PRKN: variants seen among roughly 807,000 people sequenced by gnomAD.
The protein encoded by PRKN is E3 ubiquitin-protein ligase parkin.
PRKN carries 56 observed loss-of-function variants against 59.5 expected under a neutral mutation model. The observed-to-expected ratio is 0.94, with a 90% CI of 0.76 to 1.18. The LOEUF (loss-of-function observed/expected upper bound fraction) is 1.18. Among genes scored for constraint, PRKN ranks in the 50% most tolerant of loss-of-function variants. PRKN has a pLI of 0.00. For synonymous variants in PRKN, 250 were observed against 222.1 expected (o/e 1.13, Z -1.12); for missense variants, 657 against 596.4 (o/e 1.10, Z -1.06).
intron 4 of PRKN, among the ~76,000 whole-genome samples, chr6:162,059,160 T>A (rs537310785): frequency 2.8e-4 from 43 of 152,118 alleles, no homozygotes; most frequent in Non-Finnish European, 4.6e-4. Context: ...ATGGAACAAT[T>A]CCCGTAATTG....
intron 9 of PRKN, among the ~76,000 whole-genome samples, chr6:161,514,335 G>C (rs991820538): frequency 6.6e-6 from 1 of 152,116 alleles, no homozygotes; most frequent in Non-Finnish European, 1.5e-5. Context: ...ATGATCTTGA[G>C]AAACAAACCG....
chr6:162,254,512 G>C (rs1779567669), intron 3 of PRKN, among the ~76,000 whole-genome samples: 1 of 151,740 alleles, frequency 6.6e-6, no homozygotes, highest in South Asian at 2.1e-4. Flanking sequence ...TCAGTTCCCA[G>C]TGTGTTGTTT....
intron 2 of PRKN, among the ~76,000 whole-genome samples, chr6:162,280,829 C>T (rs550680941): frequency 1.6e-4 from 22 of 134,582 alleles, no homozygotes; most frequent in African/African-American, 5.9e-4. Flanking sequence ...GGCTAGAAGA[C>T]GACAAGAACT....
At chr6:161,756,281 C>T (rs1206182365) in intron 7 of PRKN, among the ~76,000 whole-genome samples, 3 of 151,608 alleles carry the variant, frequency 2.0e-5, no homozygotes, top group Non-Finnish European at 4.4e-5. Context: ...GTCTCTGCTA[C>T]GAGTACAAAA....
chr6:162,380,466 TA>T (rs1428029117), intron 2 of PRKN, among the ~76,000 whole-genome samples: 3 of 57,336 alleles, frequency 5.2e-5, no homozygotes, highest in Non-Finnish European at 5.7e-5. Flanking sequence ...CACACATATA[TA>T]TGTGTGTATA....
chr6:161,439,951 GTTTTTTGT>G (rs1234113010), intron 9 of PRKN, among the ~76,000 whole-genome samples: 2 of 115,610 alleles, frequency 1.7e-5, no homozygotes, highest in African/African-American at 6.5e-5. Flanking sequence ...GTTTTGTTTT[GTTTTTTGT>G]TTTTTTTTTT....
chr6:161,777,049 C>A (rs114620880), intron 7 of PRKN, among the ~76,000 whole-genome samples: 5,919 of 152,152 alleles, frequency 0.039, 382 homozygotes, highest in African/African-American at 0.13. Context: ...GGCGCTAGAG[C>A]CATAACTCTC....
intron 1 of PRKN, among the ~76,000 whole-genome samples, chr6:162,640,774 G>C (rs935992859): frequency 6.6e-6 from 1 of 152,146 alleles, no homozygotes; most frequent in South Asian, 2.1e-4. Flanking sequence ...ACAATTCCCT[G>C]AAGGGGCAAT....
chr6:161,797,041 A>G (rs1363952304), intron 6 of PRKN, among the ~76,000 whole-genome samples: 1 of 152,216 alleles, frequency 6.6e-6, no homozygotes, highest in Non-Finnish European at 1.5e-5. Context: ...AGGAAGAATT[A>G]ATGTGCTAAG....
intron 1 of PRKN, among the ~76,000 whole-genome samples, chr6:162,615,183 C>T (rs1373239861): frequency 2.0e-5 from 3 of 152,106 alleles, no homozygotes; most frequent in African/African-American, 7.2e-5. Context: ...AAAAAATTTC[C>T]CACCAACATG....
chr6:161,911,383 T>TA (rs962857804), intron 6 of PRKN, among the ~76,000 whole-genome samples: 8 of 152,190 alleles, frequency 5.3e-5, no homozygotes, highest in African/African-American at 1.9e-4. Flanking sequence ...GTCACACTTT[T>TA]ACTGTTTTCA....
In PRKN at chr6:162,501,803, G is replaced by C. The variant is rs557861348; in HGVS notation, c.8-58330C>G. On this transcript the variant is annotated intron_variant, in intron 1 of 11. Coordinates refer to ENST00000366898, the MANE Select transcript of PRKN (RefSeq NM_004562.3). ...TTGCTGGGGCACTAGTTGCCTTGCC[G>C]GAGTGGCACCCTTGAAGATAAGAAA... is the stretch of plus-strand genomic sequence containing the variant. Among the ~76,000 whole-genome samples, 3 of 152,196 alleles carry C rather than the reference G, an allele frequency of 2.0e-5. No homozygotes were observed. In the East Asian group the frequency reaches 5.8e-4, roughly 29 times the overall value.
intron 5 of PRKN, among the ~76,000 whole-genome samples, chr6:162,028,794 A>C (rs756407668): frequency 6.6e-5 from 10 of 152,144 alleles, no homozygotes; most frequent in Non-Finnish European, 1.0e-4. Flanking sequence ...TAGCAAAGCC[A>C]AGAGGGTGGC....
chr6:161,481,407 AT>A (rs1185147305), intron 9 of PRKN, among the ~76,000 whole-genome samples: 2 of 152,108 alleles, frequency 1.3e-5, no homozygotes. Context: ...GATTGAGACC[AT>A]CCTGGCCAAC....
At chr6:162,345,091 G>A (rs1285051451) in intron 2 of PRKN, among the ~76,000 whole-genome samples, 2 of 152,126 alleles carry the variant, frequency 1.3e-5, no homozygotes, top group Non-Finnish European at 2.9e-5. Context: ...TCATCCCCAG[G>A]CCCCAGGGCC....
At chr6:161,532,406 G>A (rs537738) in intron 9 of PRKN, among the ~76,000 whole-genome samples, 59,938 of 151,756 alleles carry the variant, frequency 0.39, 12,960 homozygotes, top group East Asian at 0.63. Context: ...GTGTGTATGA[G>A]TGTGGGTGTA....
At chr6:162,421,050 C>A (rs999251627) in intron 2 of PRKN, among the ~76,000 whole-genome samples, 24 of 152,172 alleles carry the variant, frequency 1.6e-4, no homozygotes, top group Non-Finnish European at 3.4e-4. Flanking sequence ...CACAGGCTTG[C>A]CAGCCACAGC....
chr6:161,411,757 C>G (rs1236983538), intron 9 of PRKN, among the ~76,000 whole-genome samples: 8 of 144,100 alleles, frequency 5.6e-5, no homozygotes, highest in Admixed American at 4.1e-4. Context: ...CCTCCATTCA[C>G]TCATTCCTTC....
intron 7 of PRKN, among the ~76,000 whole-genome samples, chr6:161,731,554 C>T (rs570165359): frequency 7.2e-5 from 11 of 152,076 alleles, no homozygotes; most frequent in African/African-American, 1.9e-4. Context: ...TTGTGTACAC[C>T]GTGTATGCAT....
Sources: gnomAD v4.1 joint callset for allele counts (sites outside exome capture counted in the v4.1 genomes callset) on GRCh38, gnomAD v4.1.1 for gene constraint, MANE v1.5 for transcripts, NCBI Gene and HGNC (gene_info 2026-07-23, HGNC 2026-07-21) for gene names.